Variants in CHIC1 observed in about 807,000 individuals in gnomAD.
The protein encoded by CHIC1 is cysteine-rich hydrophobic domain-containing protein 1.
Under a neutral mutation model 18.5 loss-of-function variants are expected in CHIC1, and 7 were observed. That is an observed-to-expected ratio of 0.38 (90% CI 0.22 to 0.71). The LOEUF (loss-of-function observed/expected upper bound fraction) is 0.71. Among genes scored for constraint, CHIC1 ranks in the 30% least tolerant of loss-of-function variants. The pLI is 0.49. For missense variants in CHIC1, 159 were observed against 176.9 expected, an observed-to-expected ratio of 0.90 and a Z score of 0.57; for synonymous variants, 77 against 73.5, an observed-to-expected ratio of 1.05 and a Z score of -0.25.
chrX:73,602,676 T>C lies in CHIC1; in HGVS notation c.507+18104T>C, dbSNP rs1362308667. On this transcript the variant is annotated intron_variant, in intron 3 of 5. Coordinates refer to ENST00000373502, the MANE Select transcript of CHIC1 (RefSeq NM_001039840.4). ...CTTCCGTTTAAGTCTTTAATCCATC[T>C]TGAGTTAGTTTTGTACAAGGTGTAA... 2.1e-4 allele frequency among the ~76,000 whole-genome samples: 23 copies of C among 108,880 alleles called. No homozygotes were observed. In the Admixed American group the frequency reaches 2.2e-3, roughly 11 times the overall value. 94.5% of individuals were successfully genotyped at this position (108,880 alleles called of 115,157 possible).
intron 3 of CHIC1, among the ~76,000 whole-genome samples, chrX:73,641,132 T>A (rs982747373): frequency 4.5e-5 from 5 of 111,943 alleles, no homozygotes; most frequent in African/African-American, 1.6e-4. Context: ...TTGTTTAGTT[T>A]CCCTGTAACT....
chrX:73,635,746 T>G (rs1170096085), intron 3 of CHIC1, among the ~76,000 whole-genome samples: 1 of 112,193 alleles, frequency 8.9e-6, no homozygotes, highest in Non-Finnish European at 1.9e-5. Context: ...TTCTCTTTTT[T>G]CTTCATCAGT....
intron 3 of CHIC1, among the ~76,000 whole-genome samples, chrX:73,662,095 A>T (rs1284970756): frequency 9.1e-6 from 1 of 110,229 alleles, no homozygotes; most frequent in African/African-American, 3.3e-5. Context: ...AAAAAAAAAG[A>T]AGTATGAGAT....
At chrX:73,567,148 C>T (rs775903004) in intron 1 of CHIC1, among the ~76,000 whole-genome samples, 3 of 110,394 alleles carry the variant, frequency 2.7e-5, no homozygotes, top group Non-Finnish European at 5.7e-5. Flanking sequence ...GCCCACTACT[C>T]TTCTTATTCC....
intron 3 of CHIC1, among the ~76,000 whole-genome samples, chrX:73,584,834 A>G (rs1007965910): frequency 1.8e-5 from 2 of 111,359 alleles, no homozygotes; most frequent in Non-Finnish European, 3.8e-5. Context: ...TTATAAATGT[A>G]AGTGGGCTAC....
At chrX:73,604,656 T>C (rs1302939774) in intron 3 of CHIC1, among the ~76,000 whole-genome samples, 1 of 109,016 alleles carries the variant, frequency 9.2e-6, no homozygotes, top group Middle Eastern at 4.2e-3. Context: ...CTCTAAATTT[T>C]CCTCTAAACA....
rs528769512 is a variant in CHIC1, at chrX:73,683,933, G to A, written c.*2928G>A. On this transcript the variant is annotated 3_prime_UTR_variant, in exon 6 of 6. Coordinates refer to ENST00000373502, the MANE Select transcript of CHIC1 (RefSeq NM_001039840.4). The stretch of plus-strand genomic sequence containing the variant: ...TTTGTTCCCTCCTAATGCTAATTTA[G>A]GAAAGAGACCACTGTAGTAAAACTT... The A allele has an allele frequency of 3.6e-5, 4 of 111,600 alleles. No homozygotes were observed. Among genetic ancestry groups the A allele is most frequent in the African/African-American group, 9.7e-5 (3 of 30,792 alleles). The allele number at this position is 111,600 out of a possible 1,213,427, so 9.2% of individuals were successfully genotyped here.
At chrX:73,605,008 ATTAG>A (rs1569502194) in intron 3 of CHIC1, among the ~76,000 whole-genome samples, 1 of 107,485 alleles carries the variant, frequency 9.3e-6, no homozygotes, top group African/African-American at 3.6e-5. Flanking sequence ...GTAGATGTCT[ATTAG>A]TTCTGCTTGA....
chrX:73,646,057 T>A (rs1468747549), intron 3 of CHIC1, among the ~76,000 whole-genome samples: 11 of 111,841 alleles, frequency 9.8e-5, no homozygotes, highest in Non-Finnish European at 1.7e-4. Context: ...TTTGAGCTGA[T>A]TTTTATGTAT....
chrX:73,592,608 A>G (rs2147558006), intron 3 of CHIC1, among the ~76,000 whole-genome samples: 1 of 110,444 alleles, frequency 9.1e-6, no homozygotes, highest in African/African-American at 3.3e-5. Flanking sequence ...TCAGATTGCT[A>G]GTATTTGTTG....
intron 1 of CHIC1, among the ~76,000 whole-genome samples, chrX:73,575,501 A>G (rs1326310213): frequency 9.1e-6 from 1 of 110,452 alleles, no homozygotes; most frequent in African/African-American, 3.3e-5. Flanking sequence ...TGGTAAGCCT[A>G]TTGCTCCTAG....
rs2058097939 is a variant in CHIC1, at chrX:73,681,174, T to C, written c.*169T>C. 3 of 410,634 alleles carry C rather than the reference T, an allele frequency of 7.3e-6. No homozygotes were observed. In the East Asian group the frequency reaches 1.3e-4, roughly 18 times the overall value. The allele number at this position is 410,634 out of a possible 1,213,427, so 33.8% of individuals were successfully genotyped here. A position where few individuals can be genotyped will look rare whatever the true frequency, so the allele number is the denominator to read the frequency against. ...TTATGAAGAAAATTTGCACATCTTT[T>C]TTGTCTTTCAATGAGGCTTGTGTTT... On this transcript the variant is annotated 3_prime_UTR_variant, in exon 6 of 6. Coordinates refer to ENST00000373502, the MANE Select transcript of CHIC1 (RefSeq NM_001039840.4).
chrX:73,676,418 G>T (rs2058063287), intron 3 of CHIC1, among the ~76,000 whole-genome samples: 1 of 111,421 alleles, frequency 9.0e-6, no homozygotes, highest in African/African-American at 3.3e-5. Context: ...TTTTTTGGAG[G>T]CTTTCTTCGT....
At chrX:73,592,987 A>G (rs1411448981) in intron 3 of CHIC1, among the ~76,000 whole-genome samples, 1 of 110,393 alleles carries the variant, frequency 9.1e-6, no homozygotes, top group Non-Finnish European at 1.9e-5. Context: ...TCTAATTAGT[A>G]TGCATAGAGG....
intron 3 of CHIC1, among the ~76,000 whole-genome samples, chrX:73,624,258 T>C (rs2057773742): frequency 9.0e-6 from 1 of 111,618 alleles, no homozygotes; most frequent in Non-Finnish European, 1.9e-5. Context: ...ACCTAGTTAC[T>C]ACACACCAAG....
At chrX:73,616,235 T>G (rs1442927022) in intron 3 of CHIC1, among the ~76,000 whole-genome samples, 15 of 111,222 alleles carry the variant, frequency 1.3e-4, no homozygotes. Flanking sequence ...TTGTTAGCCT[T>G]AGGACCCATA....
At chrX:73,650,071 C>T (rs1172331295) in intron 3 of CHIC1, among the ~76,000 whole-genome samples, 1 of 112,392 alleles carries the variant, frequency 8.9e-6, no homozygotes, top group African/African-American at 3.2e-5. Context: ...ATTGAAAAAC[C>T]TGTTCCTGAA....
At chrX:73,646,955 C>T (rs181265162) in intron 3 of CHIC1, among the ~76,000 whole-genome samples, 3 of 112,214 alleles carry the variant, frequency 2.7e-5, no homozygotes, top group African/African-American at 9.7e-5. Context: ...GTCTAAAATA[C>T]ATTTCTATTT....
At chrX:73,674,817 T>G (rs781097637) in intron 3 of CHIC1, among the ~76,000 whole-genome samples, 1 of 103,062 alleles carries the variant, frequency 9.7e-6, no homozygotes, top group African/African-American at 3.3e-5. Flanking sequence ...GTTCTTTTAA[T>G]TGTGATGTTA....
Sources: gnomAD v4.1 joint callset for allele counts (sites outside exome capture counted in the v4.1 genomes callset) on GRCh38, gnomAD v4.1.1 for gene constraint, MANE v1.5 for transcripts, NCBI Gene and HGNC (gene_info 2026-07-23, HGNC 2026-07-21) for gene names.